The following TMEM132C variants were observed in gnomAD, a reference collection of about 807,000 sequenced individuals.
TMEM132C encodes transmembrane protein 132C.
A neutral mutation model predicts 61.4 loss-of-function variants in TMEM132C; 29 were observed. The ratio of observed to expected loss-of-function variants is 0.47; its 90% CI spans 0.35 to 0.64. The LOEUF (loss-of-function observed/expected upper bound fraction) is 0.64. Ranked by LOEUF, TMEM132C falls within the 30% of genes least tolerant of loss-of-function variation. TMEM132C has a pLI of 0.00. For synonymous variants in TMEM132C, 656 were observed against 633.1 expected (o/e 1.04, Z -0.54); for missense variants, 1,408 against 1,476.9 (o/e 0.95, Z 0.76).
chr12:128,639,596 T>G (rs901284462), intron 4 of TMEM132C, among the ~76,000 whole-genome samples: 4 of 152,210 alleles, frequency 2.6e-5, no homozygotes, highest in Admixed American at 6.5e-5. Context: ...ACTTCTTTCC[T>G]TTCTTGTGTT....
At chr12:128,375,819 C>G (rs759836934) in intron 1 of TMEM132C, among the ~76,000 whole-genome samples, 60 of 152,216 alleles carry the variant, frequency 3.9e-4, no homozygotes, top group Admixed American at 8.5e-4. Context: ...ATGGTATGTT[C>G]CAGGGAAAAG....
At chr12:128,300,739 T>A (rs1393177632) in intron 1 of TMEM132C, among the ~76,000 whole-genome samples, 1 of 152,136 alleles carries the variant, frequency 6.6e-6, no homozygotes, top group African/African-American at 2.4e-5. Context: ...AAGCGCCTAT[T>A]AAAAACTCAG....
chr12:128,625,581 G>A (rs1037986073), intron 4 of TMEM132C, among the ~76,000 whole-genome samples: 1 of 152,150 alleles, frequency 6.6e-6, no homozygotes, highest in Non-Finnish European at 1.5e-5. Context: ...AGAGAATTTC[G>A]AACCAAGTGA....
chr12:128,451,061 T>C (rs759878473), intron 2 of TMEM132C, among the ~76,000 whole-genome samples: 1 of 152,230 alleles, frequency 6.6e-6, no homozygotes, highest in Non-Finnish European at 1.5e-5. Flanking sequence ...CAAAGTTTCT[T>C]GTTTGTGGCT....
intron 2 of TMEM132C, among the ~76,000 whole-genome samples, chr12:128,515,865 T>C (rs1312869380): frequency 6.6e-6 from 1 of 152,078 alleles, no homozygotes; most frequent in Non-Finnish European, 1.5e-5. Context: ...TTGATAACAT[T>C]TTAAAGAAGA....
At position 128,359,868 on chromosome 12, in the gene TMEM132C, G is replaced by A. The variant is rs149195944; in HGVS notation, c.86-54864G>A. On this transcript the variant is annotated intron_variant, in intron 1 of 8. Transcript: ENST00000435159. ...AGCGGCTAATTAGTCTTTATAGCAG[G>A]ATAAAACTAATTTGAAGCATGCTAA... 2.5e-3 allele frequency among the ~76,000 whole-genome samples: 380 copies of A among 152,256 alleles called. 3 individuals are homozygous for A. The highest frequency in any genetic ancestry group is 0.014 in the Middle Eastern group (4 of 294).
chr12:128,628,264 A>G lies in TMEM132C; in HGVS notation c.1305+11929A>G, dbSNP rs530825252. On this transcript the variant is annotated intron_variant, in intron 4 of 8. Coordinates refer to ENST00000435159, the MANE Select transcript of TMEM132C (RefSeq NM_001136103.3). ...CTCCTCCCTGCTCTTGCCTCCCTGA[A>G]AAGCCCACTGCACTTTTTTAAAAAG... is the stretch of plus-strand genomic sequence containing the variant. 1.6e-4 allele frequency among the ~76,000 whole-genome samples: 24 copies of G among 152,204 alleles called. No individual in the cohort carries two copies. In the East Asian group the frequency reaches 3.3e-3, roughly 21 times the overall value.
chr12:128,628,242 C>T (rs564979113), intron 4 of TMEM132C, among the ~76,000 whole-genome samples: 1 of 152,288 alleles, frequency 6.6e-6, no homozygotes, highest in South Asian at 2.1e-4. Flanking sequence ...CGGTCATCTC[C>T]TCCCTGCTCT....
At chr12:128,370,961 A>G (rs903646051) in intron 1 of TMEM132C, among the ~76,000 whole-genome samples, 3 of 152,124 alleles carry the variant, frequency 2.0e-5, no homozygotes, top group Admixed American at 2.0e-4. Context: ...CCACCCTTTG[A>G]GGTAAGTCTT....
At chr12:128,484,635 T>G (rs1229395424) in intron 2 of TMEM132C, among the ~76,000 whole-genome samples, 1 of 152,010 alleles carries the variant, frequency 6.6e-6, no homozygotes, top group East Asian at 1.9e-4. Flanking sequence ...GGGGAAACAT[T>G]CCTAGGAAGA....
At chr12:128,272,382 C>T (rs1870552584) in intron 1 of TMEM132C, among the ~76,000 whole-genome samples, 1 of 152,172 alleles carries the variant, frequency 6.6e-6, no homozygotes, top group African/African-American at 2.4e-5. Flanking sequence ...AATGGCATTC[C>T]ATTGAATGAA....
At chr12:128,267,634 G>A (rs1394809684) in intron 1 of TMEM132C, 147 bp downstream of exon 1, 4 of 643,922 alleles carry the variant, frequency 6.2e-6, no homozygotes, top group Non-Finnish European at 8.5e-6. Flanking sequence ...TGCGGGTGCC[G>A]AGCCGCCCCT....
intron 2 of TMEM132C, among the ~76,000 whole-genome samples, chr12:128,503,730 C>T (rs1231391499): frequency 1.3e-5 from 2 of 152,208 alleles, no homozygotes; most frequent in Non-Finnish European, 2.9e-5. Context: ...AATGGAAGTG[C>T]AGACCGGCTA....
chr12:128,386,759 A>G (rs1874596678), intron 1 of TMEM132C, among the ~76,000 whole-genome samples: 1 of 152,138 alleles, frequency 6.6e-6, no homozygotes, highest in Non-Finnish European at 1.5e-5. Context: ...TTTGCTTTAC[A>G]TTCGCTCTGC....
intron 8 of TMEM132C, among the ~76,000 whole-genome samples, chr12:128,701,193 C>T (rs567363834): frequency 6.6e-6 from 1 of 151,100 alleles, no homozygotes; most frequent in South Asian, 2.1e-4. Flanking sequence ...TTGCTGTAGG[C>T]ACAACCACAT....
chr12:128,451,021 C>A (rs1870159964), intron 2 of TMEM132C, among the ~76,000 whole-genome samples: 1 of 152,054 alleles, frequency 6.6e-6, no homozygotes, highest in Non-Finnish European at 1.5e-5. Flanking sequence ...TGCTGTTAAA[C>A]AAGATTTTTA....
rs552633517 is a variant in TMEM132C, at chr12:128,570,338, A to G, written c.1121+26235A>G. On this transcript the variant is annotated intron_variant, in intron 3 of 8. Transcript: ENST00000435159. This position sits in a 1 kb window ranked among gnomAD's most constrained non-coding sequence, Gnocchi z 4.7. ...TGTCAGTTTCTTTTCCAAGTAATTC[A>G]CAACACGTGAGTGCATTCATGGGCC... Among the ~76,000 whole-genome samples, 15 of 152,210 alleles carry G rather than the reference A, an allele frequency of 9.9e-5. No homozygotes were observed. The South Asian group carries it at 2.1e-3, about 21-fold the overall frequency.
chr12:128,700,154 T>G (rs1008472932), intron 8 of TMEM132C, among the ~76,000 whole-genome samples: 2 of 152,202 alleles, frequency 1.3e-5, no homozygotes, highest in African/African-American at 2.4e-5. Context: ...CCCATCTGTC[T>G]TCATCAGCTG....
intron 1 of TMEM132C, among the ~76,000 whole-genome samples, chr12:128,317,714 G>A (rs12423413): frequency 0.1 from 15,604 of 152,112 alleles, 922 homozygotes; most frequent in East Asian, 0.22. Flanking sequence ...GCAAAACCTC[G>A]TCTCTACTAA....
Sources: allele counts gnomAD v4.1 joint callset (sites outside exome capture counted in the v4.1 genomes callset), GRCh38; gene constraint gnomAD v4.1.1; non-coding constraint Gnocchi (gnomAD v3.1); transcripts MANE v1.5; gene names NCBI Gene and HGNC (gene_info 2026-07-23, HGNC 2026-07-21).